NUDT7: variants seen among roughly 807,000 people sequenced by gnomAD.
The protein encoded by NUDT7 is peroxisomal coenzyme A diphosphatase NUDT7.
In NUDT7, 19 loss-of-function variants were observed where a neutral mutation model predicts 13.1. That is an observed-to-expected ratio of 1.45 (90% CI 1.01 to 2.13). The LOEUF is 2.13. NUDT7 is among the 30% of genes most tolerant of loss of function. NUDT7 has a pLI of 0.00. For synonymous variants in NUDT7, 132 were observed against 109.7 expected (o/e 1.20, Z -1.27); for missense variants, 360 against 291.7 (o/e 1.23, Z -1.71).
chr16:77,728,985 G>C (rs17773487), intron 2 of NUDT7, among the ~76,000 whole-genome samples: 13,606 of 152,096 alleles, frequency 0.089, 672 homozygotes, highest in East Asian at 0.14. Context: ...CTCTGGGACT[G>C]GAAGTAGGCA....
intron 2 of NUDT7, among the ~76,000 whole-genome samples, chr16:77,730,482 T>C (rs1044448911): frequency 6.6e-6 from 1 of 152,216 alleles, no homozygotes; most frequent in Non-Finnish European, 1.5e-5. Context: ...AATATTCCTC[T>C]CTGTATATAC....
rs991528637 is a variant in NUDT7 at position 77,725,593 on chromosome 16, A to T, written c.189+9A>T. On this transcript the variant is annotated intron_variant, in intron 2 of 3. Transcript: ENST00000268533. ...CCGTCCGGTCAGAGAAGGTAGGTGG[A>T]CAAAAAATTTCCTGCCCTTAAACCT... 1 of 1,612,786 alleles carries T rather than the reference A, an allele frequency of 6.2e-7. No individual in the cohort carries two copies. The highest frequency in any genetic ancestry group is 1.3e-5 in the African/African-American group (1 of 74,994).
At chr16:77,734,350 G>A (rs1441925780) in intron 2 of NUDT7, among the ~76,000 whole-genome samples, 6 of 152,150 alleles carry the variant, frequency 3.9e-5, no homozygotes, top group Non-Finnish European at 7.3e-5. Context: ...ATGGCTGGGT[G>A]CGGTGGCTCA....
chr16:77,730,329 C>T (rs1439326745), intron 2 of NUDT7, among the ~76,000 whole-genome samples: 1 of 152,160 alleles, frequency 6.6e-6, no homozygotes, highest in Non-Finnish European at 1.5e-5. Context: ...CTCTCTACTT[C>T]TCTGAGACTG....
intron 2 of NUDT7, among the ~76,000 whole-genome samples, chr16:77,729,776 G>T (rs545611480): frequency 2.4e-4 from 37 of 152,190 alleles, no homozygotes; most frequent in Admixed American, 4.6e-4. Context: ...AGTGAACCGA[G>T]ATTATCCCAC....
intron 2 of NUDT7, among the ~76,000 whole-genome samples, chr16:77,731,982 A>G (rs1022858272): frequency 2.2e-4 from 34 of 152,178 alleles, no homozygotes; most frequent in African/African-American, 7.0e-4. Flanking sequence ...TAAAAATTAA[A>G]AAGTTTAGAA....
chr16:77,723,344 G>C (rs916154246), intron 1 of NUDT7, among the ~76,000 whole-genome samples: 3 of 152,048 alleles, frequency 2.0e-5, no homozygotes, highest in African/African-American at 7.2e-5. Flanking sequence ...TTTGGTCTTT[G>C]AAATACACTG....
At chr16:77,728,149 C>G (rs2014198301) in intron 2 of NUDT7, among the ~76,000 whole-genome samples, 1 of 152,192 alleles carries the variant, frequency 6.6e-6, no homozygotes, top group South Asian at 2.1e-4. Context: ...AGGAGATTTC[C>G]CCCCAGTGGA....
chr16:77,732,216 T>G (rs1381881254), intron 2 of NUDT7, among the ~76,000 whole-genome samples: 1 of 151,728 alleles, frequency 6.6e-6, no homozygotes, highest in Non-Finnish European at 1.5e-5. Context: ...TAATTCCAGT[T>G]ACTTGGGAGG....
At chr16:77,730,233 C>T (rs2014277955) in intron 2 of NUDT7, among the ~76,000 whole-genome samples, 1 of 152,120 alleles carries the variant, frequency 6.6e-6, no homozygotes, top group Non-Finnish European at 1.5e-5. Context: ...TTTATTCCTC[C>T]TGACTGGCTG....
Position 77,741,861 on chromosome 16 carries a change from T to C in NUDT7, c.628T>C (p.Phe210Leu). 1 of 1,614,164 alleles carries C rather than the reference T, an allele frequency of 6.2e-7. No homozygotes were observed. The highest frequency in any genetic ancestry group is 8.5e-7 in the Non-Finnish European group (1 of 1,180,018). Residue 210 changes from phenylalanine (F) to leucine (L), a missense_variant, in exon 4 of 4, where the codon TTT becomes CTT. By Grantham distance (22) the Phe-to-Leu change is conservative (BLOSUM62 0). Coordinates refer to ENST00000268533, the MANE Select transcript of NUDT7 (RefSeq NM_001105663.3). ...TATCATTTTGGAAAAAAAACCCACCTTTGAGGTTCAATTTAATCTTAATGA... is the reference window on the plus strand; with the variant it reads ...TATCATTTTGGAAAAAAAACCCACCCTTGAGGTTCAATTTAATCTTAATGA... ...AFIILEKKPT[F>L]EVQFNLNDVL...
intron 2 of NUDT7, 80 bp from the exon 3 acceptor site, chr16:77,735,748 G>A (rs1234580555): frequency 3.8e-6 from 5 of 1,304,084 alleles, no homozygotes; most frequent in Non-Finnish European, 5.4e-6. Flanking sequence ...CAAAATAGAA[G>A]TCCAGTAAGT....
rs973168293 is a variant in NUDT7, at chr16:77,741,646, C to T, written c.413C>T (p.Pro138Leu). ...CACAACTTCCAGGCCCAGCCGAATC[C>T]TGCTGAAGTTAAGGATGTATTCCTG... ...IDHNFQAQPN[P>L]AEVKDVFLVP... Residue 138 changes from proline to leucine, a missense_variant, in exon 4 of 4, where the codon CCT (proline) becomes CTT (leucine). Pro to Leu is a moderately conservative substitution (Grantham distance 98). Transcript: ENST00000268533. 6 of 1,613,924 alleles carry T rather than the reference C, an allele frequency of 3.7e-6. No individual in the cohort carries two copies. The African/African-American group carries it at 8.0e-5, about 22-fold the overall frequency.
intron 2 of NUDT7, among the ~76,000 whole-genome samples, chr16:77,731,416 A>G (rs893666550): frequency 1.3e-5 from 2 of 152,188 alleles, no homozygotes; most frequent in African/African-American, 4.8e-5. Flanking sequence ...ACCAACTGAC[A>G]TCATAGCAGT....
intron 2 of NUDT7, among the ~76,000 whole-genome samples, chr16:77,734,359 C>A (rs1211580401): frequency 2.0e-5 from 3 of 152,132 alleles, no homozygotes; most frequent in African/African-American, 7.2e-5. Flanking sequence ...TGCGGTGGCT[C>A]ACGCCTGTAA....
chr16:77,729,071 C>T (rs543753918), intron 2 of NUDT7, among the ~76,000 whole-genome samples: 2 of 152,224 alleles, frequency 1.3e-5, no homozygotes, highest in East Asian at 3.9e-4. Flanking sequence ...CTCTGAGTAG[C>T]ATTTCAGAAG....
chr16:77,729,143 A>G (rs1417351089), intron 2 of NUDT7, among the ~76,000 whole-genome samples: 1 of 152,250 alleles, frequency 6.6e-6, no homozygotes, highest in Non-Finnish European at 1.5e-5. Flanking sequence ...TTTTGTGCTT[A>G]GAGCCCTTTG....
chr16:77,735,687 T>C (rs768904430), intron 2 of NUDT7, 141 bp from the exon 3 acceptor site: 1 of 751,522 alleles, frequency 1.3e-6, no homozygotes, highest in Non-Finnish European at 2.2e-6. Context: ...AACACATTTG[T>C]GGGCAATAGG....
intron 2 of NUDT7, among the ~76,000 whole-genome samples, chr16:77,734,878 C>T: frequency 6.6e-6 from 1 of 151,986 alleles, no homozygotes; most frequent in East Asian, 1.9e-4. Flanking sequence ...ATGGGGTTTC[C>T]TTCTGGGATG....
Sources: gnomAD v4.1 joint callset for allele counts (sites outside exome capture counted in the v4.1 genomes callset) on GRCh38, gnomAD v4.1.1 for gene constraint, MANE v1.5 for transcripts, NCBI Gene and HGNC (gene_info 2026-07-23, HGNC 2026-07-21) for gene names.